The following UCHL5 variants were observed in gnomAD, a reference collection of about 807,000 sequenced individuals.
The protein encoded by UCHL5 is ubiquitin C-terminal hydrolase L5.
In UCHL5, 34 loss-of-function variants were observed where a neutral mutation model predicts 53.8. The ratio of observed to expected loss-of-function variants is 0.63; its 90% CI spans 0.48 to 0.84. The LOEUF is 0.84. UCHL5 is among the 40% of genes least tolerant of loss of function. The pLI is 0.00. For synonymous variants in UCHL5, 111 were observed against 126.3 expected, an observed-to-expected ratio of 0.88 and a Z score of 0.81; for missense variants, 290 against 385.6, an observed-to-expected ratio of 0.75 and a Z score of 2.08.
Position 193,029,286 on chromosome 1 carries a change from G to A in UCHL5, c.458C>T (p.Thr153Met), listed in dbSNP as rs35505005. 7.6e-4 allele frequency: 1,233 copies of A among 1,613,430 alleles called. 9 individuals are homozygous for A. The highest frequency in any genetic ancestry group is 1.2e-3 in the Admixed American group (74 of 59,966). Reference sequence around the variant, plus strand: ...ATCTTCTTCTTTTGCTGATGTCTTCGTATCAAATTCAAACATTTGCTGTCT... The same window carrying A: ...ATCTTCTTCTTTTGCTGATGTCTTCATATCAAATTCAAACATTTGCTGTCT... The part of the protein sequence containing the change: ...FARQQMFEFD[T>M]KTSAKEEDAF... Residue 153 changes from threonine (T) to methionine (M), a missense_variant, in exon 6 of 11, where the codon ACG becomes ATG. Thr to Met is a moderately conservative substitution (Grantham distance 81). Coordinates refer to ENST00000367454, the MANE Select transcript of UCHL5 (RefSeq NM_001199261.3).
rs1660528795 is a variant in UCHL5, at chr1:193,029,380, C to A, written c.434+8G>T. Reference sequence around the variant, plus strand: ...AAACAGTATTTATTTAACATAAAGTCTCTTTACCTGGCGAAACTGTTGTGT... The same window carrying A: ...AAACAGTATTTATTTAACATAAAGTATCTTTACCTGGCGAAACTGTTGTGT... On this transcript the variant is annotated splice_region_variant and intron_variant, in intron 5 of 10. Transcript: ENST00000367454. The A allele has an allele frequency of 6.2e-7, 1 of 1,613,620 alleles. No individual in the cohort carries two copies. Among genetic ancestry groups the A allele is most frequent in the South Asian group, 1.1e-5 (1 of 91,048 alleles).
chr1:193,030,104 A>G (rs1041779793), intron 3 of UCHL5, among the ~76,000 whole-genome samples: 1 of 152,142 alleles, frequency 6.6e-6, no homozygotes, highest in Admixed American at 6.6e-5. Flanking sequence ...ATTAGTTTCC[A>G]CCCTCATTTA....
intron 2 of UCHL5, among the ~76,000 whole-genome samples, chr1:193,050,727 C>T (rs752105297): frequency 4.0e-5 from 6 of 149,536 alleles, no homozygotes; most frequent in Admixed American, 6.7e-5. Context: ...ACCTAGATGA[C>T]AGAGTGAGAC....
chr1:193,034,139 T>C (rs972545369), intron 3 of UCHL5, among the ~76,000 whole-genome samples: 2 of 152,032 alleles, frequency 1.3e-5, no homozygotes, highest in Non-Finnish European at 2.9e-5. Context: ...TGAAGGCGGC[T>C]AAAAGGAGAA....
intron 1 of UCHL5, among the ~76,000 whole-genome samples, 157 bp from the exon 2 acceptor site, chr1:193,051,974 T>G (rs1014609214): frequency 3.3e-5 from 5 of 152,058 alleles, no homozygotes; most frequent in Non-Finnish European, 7.4e-5. Context: ...CTTTAATATA[T>G]CCCAATTATT....
At chr1:193,046,934 G>A (rs564436285) in intron 3 of UCHL5, among the ~76,000 whole-genome samples, 3 of 151,956 alleles carry the variant, frequency 2.0e-5, no homozygotes, top group Admixed American at 6.6e-5. Context: ...GTGGGAGGAA[G>A]TATGACATAT....
At chr1:193,058,622 G>A (rs1034119052) in intron 1 of UCHL5, among the ~76,000 whole-genome samples, 1 of 152,260 alleles carries the variant, frequency 6.6e-6, no homozygotes, top group Admixed American at 6.5e-5. Context: ...CGGAACCAGT[G>A]AAGTGGCCTT....
intron 2 of UCHL5, 136 bp from the exon 3 acceptor site, chr1:193,049,987 C>T (rs531042420): frequency 1.5e-6 from 1 of 685,426 alleles, no homozygotes; most frequent in East Asian, 2.9e-5. Flanking sequence ...TAAAAGATCA[C>T]TATTGCCATT....
chr1:193,038,222 C>T (rs983800413), intron 3 of UCHL5, among the ~76,000 whole-genome samples: 3 of 151,718 alleles, frequency 2.0e-5, no homozygotes, highest in African/African-American at 7.3e-5. Context: ...TTTGGGAGGC[C>T]GAGGCGGGCA....
chr1:193,028,857 T>TA (rs1040182633), intron 6 of UCHL5, among the ~76,000 whole-genome samples: 1 of 152,178 alleles, frequency 6.6e-6, no homozygotes, highest in African/African-American at 2.4e-5. Context: ...ACGAATGGGT[T>TA]AAAAATGACA....
At chr1:193,046,073 C>G (rs751320303) in intron 3 of UCHL5, among the ~76,000 whole-genome samples, 1 of 151,718 alleles carries the variant, frequency 6.6e-6, no homozygotes, top group African/African-American at 2.4e-5. Context: ...GCTCTGCTGA[C>G]CAGGCTGGAG....
At chr1:193,024,614 T>C (rs1359597346) in intron 7 of UCHL5, among the ~76,000 whole-genome samples, 1 of 149,012 alleles carries the variant, frequency 6.7e-6, no homozygotes, top group Admixed American at 6.7e-5. Flanking sequence ...TTTATTAATA[T>C]AATATATAAT....
Position 193,012,325 on chromosome 1 carries a change from A to G in UCHL5, c.*4026T>C, listed in dbSNP as rs1410674639. On this transcript the variant is annotated 3_prime_UTR_variant, in exon 11 of 11. Coordinates refer to ENST00000367454, the MANE Select transcript of UCHL5 (RefSeq NM_001199261.3). ...AGAAAGAATCAAAGAAGCATATTAC[A>G]TAAAATATATGGATAAGCTAAAAAG... 6.6e-6 allele frequency: 1 copy of G among 152,244 alleles called. No individual in the cohort carries two copies. The highest frequency in any genetic ancestry group is 2.4e-5 in the African/African-American group (1 of 41,466). The allele number at this position is 152,244 out of a possible 1,614,324, so 9.4% of individuals were successfully genotyped here.
intron 3 of UCHL5, among the ~76,000 whole-genome samples, chr1:193,034,260 G>C (rs941715395): frequency 6.6e-6 from 1 of 151,514 alleles, no homozygotes; most frequent in Non-Finnish European, 1.5e-5. Context: ...AGAAATCTAG[G>C]AATTAGAAAT....
At chr1:193,037,890 TAA>T (rs71111446) in intron 3 of UCHL5, among the ~76,000 whole-genome samples, 22 of 118,840 alleles carry the variant, frequency 1.9e-4, no homozygotes, top group African/African-American at 5.9e-4. Flanking sequence ...CTTAAAGTAT[TAA>T]AAAAAAAAAA....
chr1:193,027,434 C>T (rs1659696748), intron 7 of UCHL5, among the ~76,000 whole-genome samples: 1 of 151,964 alleles, frequency 6.6e-6, no homozygotes, highest in African/African-American at 2.4e-5. Flanking sequence ...CCTGTAATCC[C>T]AGCACTTCGG....
intron 3 of UCHL5, among the ~76,000 whole-genome samples, chr1:193,048,062 G>C (rs1418695830): frequency 2.6e-5 from 4 of 152,136 alleles, no homozygotes; most frequent in Admixed American, 2.6e-4. Context: ...TGTATACCAA[G>C]ATATGCTAGT....
chr1:193,028,145 G>A lies in UCHL5; in HGVS notation c.569C>T (p.Ala190Val). ...ACTGATCCAATCATCTTGATTGCAT[G>A]CACCTAGAAAGAAATTTTAAAACAG... is the stretch of plus-strand genomic sequence containing the variant. ...GLREGPIDLG[A>V]CNQDDWISAV... Residue 190 changes from alanine to valine, a missense_variant, in exon 7 of 11, where the codon GCA becomes GTA. By Grantham distance (64) the Ala-to-Val change is moderately conservative. Coordinates refer to ENST00000367454, the MANE Select transcript of UCHL5 (RefSeq NM_001199261.3). 3 of 1,587,168 alleles carry A rather than the reference G, an allele frequency of 1.9e-6. No homozygotes were observed. The highest frequency in any genetic ancestry group is 2.6e-6 in the Non-Finnish European group (3 of 1,169,610).
upstream of UCHL5, chr1:193,059,638 A>C (rs557556271): frequency 4.9e-5 from 69 of 1,395,440 alleles, no homozygotes; most frequent in South Asian, 6.9e-4. The surrounding 1 kb of genome is among the most constrained non-coding windows in gnomAD (Gnocchi z 4.9). Context: ...CGAACCTGGA[A>C]TCCCCGGCGG....
Sources: gnomAD v4.1 joint callset for allele counts (sites outside exome capture counted in the v4.1 genomes callset) on GRCh38, gnomAD v4.1.1 for gene constraint, Gnocchi (gnomAD v3.1) non-coding constraint, MANE v1.5 for transcripts, NCBI Gene and HGNC (gene_info 2026-07-23, HGNC 2026-07-21) for gene names.